ATP1B3: variants seen among roughly 807,000 people sequenced by gnomAD.
ATP1B3 encodes the protein sodium/potassium-transporting ATPase subunit beta-3.
A neutral mutation model predicts 30.2 loss-of-function variants in ATP1B3; 10 were observed. The ratio of observed to expected loss-of-function variants is 0.33; its 90% CI spans 0.20 to 0.56. ATP1B3 has a LOEUF of 0.56. ATP1B3 is among the 20% of genes least tolerant of loss of function. ATP1B3 has a pLI of 0.90. For synonymous variants in ATP1B3, 113 were observed against 117.0 expected (o/e 0.97, Z 0.22); for missense variants, 238 against 336.7 (o/e 0.71, Z 2.29).
intron 1 of ATP1B3, among the ~76,000 whole-genome samples, chr3:141,898,570 T>A (rs1934110421): frequency 6.6e-6 from 1 of 152,118 alleles, no homozygotes; most frequent in Non-Finnish European, 1.5e-5. Context: ...TTGTATCCAC[T>A]AGGATAGCTG....
At chr3:141,889,911 C>T (rs1191021211) in intron 1 of ATP1B3, among the ~76,000 whole-genome samples, 1 of 150,634 alleles carries the variant, frequency 6.6e-6, no homozygotes, top group Non-Finnish European at 1.5e-5. Flanking sequence ...ACCTTTTCTC[C>T]TCAAGCACTG....
intron 5 of ATP1B3, chr3:141,916,535 A>C (rs1339197435): frequency 1.6e-6 from 2 of 1,287,164 alleles, no homozygotes; most frequent in Non-Finnish European, 2.0e-6. Context: ...TTTTCTCTCC[A>C]TGCTGCAAAT....
chr3:141,885,880 AACACAC>A (rs146684460), intron 1 of ATP1B3, among the ~76,000 whole-genome samples: 3,074 of 141,718 alleles, frequency 0.022, 71 homozygotes, highest in East Asian at 0.073. Context: ...GCTGCGTTAA[AACACAC>A]ACACACACAC....
rs386398103 is a variant in ATP1B3 at position 141,892,651 on chromosome 3, CAAAAAAAAAAAAAA to C, written c.110-10957_110-10944del. On this transcript the variant is annotated intron_variant, in intron 1 of 6. Coordinates refer to ENST00000286371, the MANE Select transcript of ATP1B3 (RefSeq NM_001679.4). ...AGCCTGGGTGACAGTGAGACTGTCT[CAAAAAAAAAAAAAA>C]AAAAAAAAAAACAGTTATCGAATAT... Among the ~76,000 whole-genome samples the C allele has an allele frequency of 2.6e-4, 18 of 70,026 alleles. No individual in the cohort carries two copies. The South Asian group carries it at 8.3e-3, about 32-fold the overall frequency. The allele number at this position is 70,026 out of a possible 152,430, so 45.9% of individuals were successfully genotyped here.
At chr3:141,890,146 A>G (rs1367331903) in intron 1 of ATP1B3, among the ~76,000 whole-genome samples, 1 of 131,516 alleles carries the variant, frequency 7.6e-6, no homozygotes, top group Non-Finnish European at 1.5e-5. Context: ...GCTGGAGTGC[A>G]GTGGCATGGT....
chr3:141,905,900 GTACT>G (rs1419731486), intron 2 of ATP1B3, among the ~76,000 whole-genome samples: 12 of 151,854 alleles, frequency 7.9e-5, no homozygotes, highest in African/African-American at 2.9e-4. Flanking sequence ...GATTATTTTA[GTACT>G]TAAAGTATCA....
intron 1 of ATP1B3, among the ~76,000 whole-genome samples, chr3:141,896,463 G>A (rs1049379709): frequency 8.5e-5 from 13 of 152,280 alleles, no homozygotes; most frequent in Admixed American, 3.3e-4. Flanking sequence ...TGAGGCTGCA[G>A]GGAGCTATGA....
chr3:141,902,142 A>G (rs1000224588), intron 1 of ATP1B3: 4 of 1,289,572 alleles, frequency 3.1e-6, no homozygotes, highest in Non-Finnish European at 4.0e-6. Flanking sequence ...ACAGGATCGC[A>G]GTATGTGGTA....
chr3:141,876,996 G>A, intron 1 of ATP1B3, 86 bp downstream of exon 1: 1 of 1,057,730 alleles, frequency 9.5e-7, no homozygotes, highest in Non-Finnish European at 1.3e-6. Flanking sequence ...AAGGCGGGAG[G>A]CGGCTCCCAG....
intron 1 of ATP1B3, among the ~76,000 whole-genome samples, chr3:141,879,038 A>C (rs1933663002): frequency 1.3e-5 from 2 of 152,312 alleles, no homozygotes; most frequent in South Asian, 2.1e-4. Context: ...TCTGCCAGGA[A>C]GGATTCTTTT....
chr3:141,920,615 A>G (rs986217232), intron 5 of ATP1B3, among the ~76,000 whole-genome samples: 5 of 152,222 alleles, frequency 3.3e-5, no homozygotes, highest in African/African-American at 1.2e-4. Flanking sequence ...TTTTGCGGAA[A>G]TGTGTTCTGT....
intron 5 of ATP1B3, among the ~76,000 whole-genome samples, chr3:141,917,669 G>C (rs966911008): frequency 6.6e-6 from 1 of 152,076 alleles, no homozygotes; most frequent in African/African-American, 2.4e-5. Flanking sequence ...ACTCCAGCCT[G>C]TTGGCAGAGT....
intron 1 of ATP1B3, among the ~76,000 whole-genome samples, chr3:141,899,010 T>C (rs954888732): frequency 2.0e-5 from 3 of 152,196 alleles, no homozygotes; most frequent in Non-Finnish European, 2.9e-5. Flanking sequence ...ATTCCATTTC[T>C]AGGAAATGTC....
rs1934661991 is a variant in ATP1B3, at chr3:141,926,390, G to A, written c.*689G>A. On this transcript the variant is annotated 3_prime_UTR_variant, in exon 7 of 7. Coordinates refer to ENST00000286371, the MANE Select transcript of ATP1B3 (RefSeq NM_001679.4). ...TTTTTAGGTTAGCCAGTGTGACTAT[G>A]CACCTAATTTTTTATGAGATTAAAT... 1 of 151,958 alleles carries A rather than the reference G, an allele frequency of 6.6e-6. No homozygotes were observed. The highest frequency in any genetic ancestry group is 1.5e-5 in the Non-Finnish European group (1 of 67,994). 9.4% of individuals were successfully genotyped at this position (151,958 alleles called of 1,614,324 possible).
intron 3 of ATP1B3, among the ~76,000 whole-genome samples, chr3:141,912,414 G>T (rs1282987068): frequency 6.6e-6 from 1 of 151,944 alleles, no homozygotes; most frequent in African/African-American, 2.4e-5. Flanking sequence ...ACCTGCCACC[G>T]CACCCAGCTA....
At position 141,916,591 on chromosome 3, in the gene ATP1B3, G is replaced by A. The variant is rs546959033; in HGVS notation, c.582+571G>A. ...AAAAGATGGGTAAGAGTTCTGAGGAGACATTAAGTTCTAAATTTATCATTG... is the reference window on the plus strand; with the variant it reads ...AAAAGATGGGTAAGAGTTCTGAGGAAACATTAAGTTCTAAATTTATCATTG... On this transcript the variant is annotated intron_variant, in intron 5 of 6. Coordinates refer to ENST00000286371, the MANE Select transcript of ATP1B3 (RefSeq NM_001679.4). The A allele has an allele frequency of 1.1e-5, 14 of 1,275,842 alleles. No individual in the cohort carries two copies. The South Asian group carries it at 1.6e-4, about 15-fold the overall frequency. 79.0% of individuals were successfully genotyped at this position (1,275,842 alleles called of 1,614,324 possible).
intron 4 of ATP1B3, among the ~76,000 whole-genome samples, chr3:141,914,519 T>A (rs1179302784): frequency 1.3e-5 from 2 of 152,172 alleles, no homozygotes; most frequent in East Asian, 3.9e-4. Context: ...TCTTGAGTCA[T>A]GAAGTGATCC....
chr3:141,913,637 A>C lies in ATP1B3; in HGVS notation c.347-15A>C. 6.2e-7 allele frequency: 1 copy of C among 1,604,194 alleles called. No homozygotes were observed. The highest frequency in any genetic ancestry group is 1.1e-5 in the South Asian group (1 of 89,456). On this transcript the variant is annotated splice_polypyrimidine_tract_variant and intron_variant, in intron 3 of 6. Transcript: ENST00000286371. ...TTTTTGGCTGATCTAGCACACATAT[A>C]TGTTTCCTTTTTAGCATATACTTTA...
intron 5 of ATP1B3, among the ~76,000 whole-genome samples, chr3:141,916,862 A>AT (rs540200893): frequency 1.3e-4 from 20 of 150,188 alleles, no homozygotes; most frequent in Non-Finnish European, 2.2e-4. Flanking sequence ...CAAAATTTGC[A>AT]TTTTTTTCTT....
Sources: allele counts gnomAD v4.1 joint callset (sites outside exome capture counted in the v4.1 genomes callset), GRCh38; gene constraint gnomAD v4.1.1; transcripts MANE v1.5; gene names NCBI Gene and HGNC (gene_info 2026-07-23, HGNC 2026-07-21).